SHROOM3: variants seen among roughly 807,000 people sequenced by gnomAD.
SHROOM3 encodes the protein shroom family member 3, also known as protein Shroom3.
A neutral mutation model predicts 138.6 loss-of-function variants in SHROOM3; 47 were observed. The ratio of observed to expected loss-of-function variants is 0.34; its 90% CI spans 0.27 to 0.43. SHROOM3 has a LOEUF of 0.43. SHROOM3 is among the 20% of genes least tolerant of loss of function. The pLI is 1.00. For synonymous variants in SHROOM3, 1,062 were observed against 1,063.3 expected (o/e 1.00, Z 0.02); for missense variants, 2,491 against 2,596.5 (o/e 0.96, Z 0.88).
intron 2 of SHROOM3, among the ~76,000 whole-genome samples, chr4:76,564,438 T>C (rs900737888): frequency 7.2e-5 from 11 of 152,330 alleles, no homozygotes; most frequent in Admixed American, 3.3e-4. Context: ...TCAATCCTGC[T>C]GGGACCATTC....
At chr4:76,552,121 T>A (rs1579231697) in intron 1 of SHROOM3, among the ~76,000 whole-genome samples, 1 of 144,104 alleles carries the variant, frequency 6.9e-6, no homozygotes, top group African/African-American at 2.5e-5. Flanking sequence ...TCGGCCCCCC[T>A]AAATTGCTGG....
intron 1 of SHROOM3, 24 bp from the exon 2 acceptor site, chr4:76,555,585 T>C (rs762654334): frequency 6.2e-7 from 1 of 1,612,412 alleles, no homozygotes; most frequent in East Asian, 2.2e-5. Context: ...CACTCGTGGC[T>C]GTCGCATCTC....
At chr4:76,566,824 T>G (rs7687284) in intron 2 of SHROOM3, among the ~76,000 whole-genome samples, 92,523 of 152,054 alleles carry the variant, frequency 0.61, 28,464 homozygotes, top group Middle Eastern at 0.74. Flanking sequence ...ATATGTATTT[T>G]TTACCACCTG....
At position 76,449,388 on chromosome 4, in the gene SHROOM3, A is replaced by G. The variant is rs1730877637; in HGVS notation, c.168+13168A>G. Among the ~76,000 whole-genome samples, 2 of 152,214 alleles carry G rather than the reference A, an allele frequency of 1.3e-5. 1 individual carries two copies. The highest frequency in any genetic ancestry group is 4.1e-4 in the South Asian group (2 of 4,832). The stretch of plus-strand genomic sequence containing the variant: ...AGAATATTTGACAATATAATGTGGT[A>G]ATGGTGTGAAGTTTTACACCTAAGC... On this transcript the variant is annotated intron_variant, in intron 1 of 10. Transcript: ENST00000296043.
At chr4:76,627,272 C>A (rs1015648537) in intron 2 of SHROOM3, among the ~76,000 whole-genome samples, 3 of 152,070 alleles carry the variant, frequency 2.0e-5, no homozygotes, top group Non-Finnish European at 2.9e-5. Context: ...CTAGGGTTCA[C>A]GTAAAGCTTA....
chr4:76,574,196 CT>C (rs1428021522), intron 2 of SHROOM3, among the ~76,000 whole-genome samples: 1 of 152,154 alleles, frequency 6.6e-6, no homozygotes, highest in Non-Finnish European at 1.5e-5. Flanking sequence ...CTTCTCTGTG[CT>C]TCCCTACTTC....
chr4:76,549,375 CT>C (rs202223099), intron 1 of SHROOM3, among the ~76,000 whole-genome samples: 4,519 of 145,612 alleles, frequency 0.031, 219 homozygotes, highest in African/African-American at 0.11. Context: ...ACTTTCTTTC[CT>C]TTTTTTTTTT....
At chr4:76,598,848 G>A (rs887999958) in intron 2 of SHROOM3, among the ~76,000 whole-genome samples, 9 of 152,166 alleles carry the variant, frequency 5.9e-5, no homozygotes, top group East Asian at 1.9e-4. Flanking sequence ...TGACAAAATC[G>A]GACTTGTGCT....
Position 76,656,970 on chromosome 4 carries a change from G to A in SHROOM3, c.324-53186G>A, listed in dbSNP as rs551053507. Among the ~76,000 whole-genome samples, 8 of 152,156 alleles carry A rather than the reference G, an allele frequency of 5.3e-5. No homozygotes were observed. The South Asian group carries it at 8.3e-4, about 16-fold the overall frequency. ...GTGGATCACCTGAGGTCAGGAGTTCGAGACCAGCCTGGCCGACATAGTGAA... is the reference window on the plus strand; with the variant it reads ...GTGGATCACCTGAGGTCAGGAGTTCAAGACCAGCCTGGCCGACATAGTGAA... On this transcript the variant is annotated intron_variant, in intron 2 of 10. Coordinates refer to ENST00000296043, the MANE Select transcript of SHROOM3 (RefSeq NM_020859.4).
intron 2 of SHROOM3, among the ~76,000 whole-genome samples, chr4:76,671,119 C>A (rs1718868270): frequency 6.6e-6 from 1 of 152,132 alleles, no homozygotes; most frequent in Non-Finnish European, 1.5e-5. Context: ...CTACTATGTG[C>A]CAGCCACTTT....
chr4:76,656,582 A>C (rs1736069351), intron 2 of SHROOM3, among the ~76,000 whole-genome samples: 1 of 152,152 alleles, frequency 6.6e-6, no homozygotes, highest in Non-Finnish European at 1.5e-5. Flanking sequence ...CTGTAATATA[A>C]TTGTCCATGA....
At chr4:76,676,654 G>A (rs1370792813) in intron 2 of SHROOM3, among the ~76,000 whole-genome samples, 1 of 152,084 alleles carries the variant, frequency 6.6e-6, no homozygotes, top group Non-Finnish European at 1.5e-5. Flanking sequence ...AAAGGAAAAT[G>A]GAGGAGGGAA....
At chr4:76,774,708 G>GTTTT (rs1158392432) in intron 10 of SHROOM3, among the ~76,000 whole-genome samples, 2 of 133,448 alleles carry the variant, frequency 1.5e-5, no homozygotes. Context: ...GGTTTTTTGG[G>GTTTT]GTTTTTTTTT....
intron 1 of SHROOM3, among the ~76,000 whole-genome samples, chr4:76,450,797 G>C (rs1232453773): frequency 6.6e-6 from 1 of 152,162 alleles, no homozygotes; most frequent in East Asian, 1.9e-4. Flanking sequence ...TCTGAAAGTA[G>C]ATAGTTGCCA....
chr4:76,554,007 T>G (rs79041414), intron 1 of SHROOM3, among the ~76,000 whole-genome samples: 2,138 of 152,348 alleles, frequency 0.014, 40 homozygotes, highest in African/African-American at 0.049. Context: ...CTCTTGGTGC[T>G]GTACATTCTA....
Position 76,601,149 on chromosome 4 carries a change from A to G in SHROOM3, c.323+45386A>G, listed in dbSNP as rs1022561467. ...ATAGTTTGCTGTAAAACAGAAATAA[A>G]ATTTGGTGACAGTTAAAAATTTACA... is the stretch of plus-strand genomic sequence containing the variant. On this transcript the variant is annotated intron_variant, in intron 2 of 10. Coordinates refer to ENST00000296043, the MANE Select transcript of SHROOM3 (RefSeq NM_020859.4). 2.6e-5 allele frequency among the ~76,000 whole-genome samples: 4 copies of G among 152,342 alleles called. No homozygotes were observed. The South Asian group carries it at 6.2e-4, about 24-fold the overall frequency.
Position 76,605,936 on chromosome 4 carries a change from T to C in SHROOM3, c.323+50173T>C, listed in dbSNP as rs565655103. Among the ~76,000 whole-genome samples, 4 of 140,762 alleles carry C rather than the reference T, an allele frequency of 2.8e-5. No individual in the cohort carries two copies. In the Admixed American group the frequency reaches 2.9e-4, roughly 10 times the overall value. The allele number at this position is 140,762 out of a possible 152,430, so 92.3% of individuals were successfully genotyped here. ...TTTTCTCTCTCTCTCTCTCTCTCTA[T>C]ATATATATATACACATATATATATA... On this transcript the variant is annotated intron_variant, in intron 2 of 10. Coordinates refer to ENST00000296043, the MANE Select transcript of SHROOM3 (RefSeq NM_020859.4).
intron 2 of SHROOM3, among the ~76,000 whole-genome samples, chr4:76,606,009 T>TATATA (rs1734612079): frequency 1.4e-4 from 11 of 79,416 alleles, no homozygotes; most frequent in African/African-American, 4.8e-4. Flanking sequence ...ATATATATAT[T>TATATA]TTTTTTTTTT....
At chr4:76,497,988 C>T (rs1458768994) in intron 1 of SHROOM3, among the ~76,000 whole-genome samples, 1 of 152,176 alleles carries the variant, frequency 6.6e-6, no homozygotes, top group Non-Finnish European at 1.5e-5. Context: ...TTCGGCTTTT[C>T]CTTTGAGTAT....
Sources: gnomAD v4.1 joint callset for allele counts (sites outside exome capture counted in the v4.1 genomes callset) on GRCh38, gnomAD v4.1.1 for gene constraint, MANE v1.5 for transcripts, NCBI Gene and HGNC (gene_info 2026-07-23, HGNC 2026-07-21) for gene names.